Variants in TMEM178B observed in about 807,000 individuals in gnomAD.
TMEM178B encodes transmembrane protein 178B.
A neutral mutation model predicts 31.0 loss-of-function variants in TMEM178B; 5 were observed. The observed-to-expected ratio is 0.16, with a 90% CI of 0.08 to 0.34. The LOEUF (loss-of-function observed/expected upper bound fraction) is 0.34, where lower values mean the gene tolerates loss of function less well. Among genes scored for constraint, TMEM178B ranks in the 10% least tolerant of loss-of-function variants. TMEM178B has a pLI of 1.00. For synonymous variants in TMEM178B, 164 were observed against 164.0 expected (o/e 1.00, Z 0.00); for missense variants, 275 against 400.3 (o/e 0.69, Z 2.67).
At chr7:141,114,644 G>A (rs1357988926) in intron 1 of TMEM178B, among the ~76,000 whole-genome samples, 1 of 152,220 alleles carries the variant, frequency 6.6e-6, no homozygotes, top group South Asian at 2.1e-4. Context: ...TCTCCATGGG[G>A]CTGAGCTCAT....
intron 3 of TMEM178B, among the ~76,000 whole-genome samples, chr7:141,447,988 T>C (rs1350417207): frequency 6.6e-6 from 1 of 151,804 alleles, no homozygotes; most frequent in Non-Finnish European, 1.5e-5. Flanking sequence ...CTCCATAGAC[T>C]TTTGCTGCAG....
chr7:141,403,488 C>G (rs2116623206), intron 2 of TMEM178B, among the ~76,000 whole-genome samples: 1 of 152,296 alleles, frequency 6.6e-6, no homozygotes, highest in South Asian at 2.1e-4. Flanking sequence ...AGGGAGAGAG[C>G]CTGGTTATTA....
Position 141,259,278 on chromosome 7 carries a change from C to A in TMEM178B, c.496+46574C>A, listed in dbSNP as rs572837522. 2.6e-5 allele frequency among the ~76,000 whole-genome samples: 4 copies of A among 152,232 alleles called. No individual in the cohort carries two copies. In the East Asian group the frequency reaches 7.7e-4, roughly 29 times the overall value. ...TTTTATTTGTTGTTATATCTTTTAACCCCAGAATCTCTGTTTAAAAATATT... is the reference window on the plus strand; with the variant it reads ...TTTTATTTGTTGTTATATCTTTTAAACCCAGAATCTCTGTTTAAAAATATT... On this transcript the variant is annotated intron_variant, in intron 2 of 3. Coordinates refer to ENST00000565468, the MANE Select transcript of TMEM178B (RefSeq NM_001195278.2).
At chr7:141,235,140 C>T (rs1797508282) in intron 2 of TMEM178B, among the ~76,000 whole-genome samples, 1 of 152,184 alleles carries the variant, frequency 6.6e-6, no homozygotes, top group South Asian at 2.1e-4. Flanking sequence ...CTTCCGTCGA[C>T]ACATCTTCAT....
rs559401121 is a variant in TMEM178B at position 141,216,748 on chromosome 7, G to A, written c.496+4044G>A. ...GGGATCCATGTCCTTAGTCCACCCA[G>A]GCCTGGTGCAGCCCATCTGCCTTCC... On this transcript the variant is annotated intron_variant, in intron 2 of 3. Coordinates refer to ENST00000565468, the MANE Select transcript of TMEM178B (RefSeq NM_001195278.2). 3.9e-5 allele frequency among the ~76,000 whole-genome samples: 6 copies of A among 152,252 alleles called. No individual in the cohort carries two copies. In the South Asian group the frequency reaches 1.0e-3, roughly 26 times the overall value.
intron 1 of TMEM178B, among the ~76,000 whole-genome samples, chr7:141,111,899 A>G (rs1460711550): frequency 6.6e-6 from 1 of 152,224 alleles, no homozygotes; most frequent in Non-Finnish European, 1.5e-5. Context: ...CATTCTGATT[A>G]TACCCCTCAA....
At chr7:141,356,161 A>G (rs566314841) in intron 2 of TMEM178B, among the ~76,000 whole-genome samples, 10 of 152,310 alleles carry the variant, frequency 6.6e-5, no homozygotes, top group Non-Finnish European at 1.2e-4. Context: ...GCTATTGTGA[A>G]TAGTGCTGTG....
At chr7:141,255,590 A>T (rs914021341) in intron 2 of TMEM178B, among the ~76,000 whole-genome samples, 1 of 152,148 alleles carries the variant, frequency 6.6e-6, no homozygotes, top group African/African-American at 2.4e-5. Context: ...CAATCTCAAA[A>T]TAGAGTTATA....
chr7:141,092,054 C>T (rs1193130571), intron 1 of TMEM178B, among the ~76,000 whole-genome samples: 1 of 152,182 alleles, frequency 6.6e-6, no homozygotes, highest in Non-Finnish European at 1.5e-5. Flanking sequence ...GCTAAAGATA[C>T]ATTCCAGGAG....
intron 2 of TMEM178B, 147 bp from the exon 3 acceptor site, chr7:141,437,461 G>T: frequency 9.4e-7 from 1 of 1,065,652 alleles, no homozygotes; most frequent in Non-Finnish European, 1.3e-6. Flanking sequence ...CCTCTGCAAA[G>T]ATTGTGTGCT....
intron 2 of TMEM178B, among the ~76,000 whole-genome samples, chr7:141,298,177 A>G (rs962611137): frequency 6.6e-6 from 1 of 152,078 alleles, no homozygotes; most frequent in African/African-American, 2.4e-5. Context: ...GTCTGTTCAT[A>G]TTCTTTGCCC....
chr7:141,126,286 G>C (rs1381795298), intron 1 of TMEM178B, among the ~76,000 whole-genome samples: 1 of 152,226 alleles, frequency 6.6e-6, no homozygotes, highest in Non-Finnish European at 1.5e-5. Flanking sequence ...TGCTGGGATA[G>C]AGGGTGGTGG....
At chr7:141,289,814 C>A (rs908948779) in intron 2 of TMEM178B, among the ~76,000 whole-genome samples, 2 of 151,832 alleles carry the variant, frequency 1.3e-5, no homozygotes. Flanking sequence ...GCAGCCTGAC[C>A]CCAGAGAACT....
Position 141,479,630 on chromosome 7 carries a change from T to C in TMEM178B, c.*8844T>C, listed in dbSNP as rs1802438673. ...AACAAGGTTTGATTGATTTAAAATA[T>C]AACATTCTGAGCCCTGTGTTACTGA... On this transcript the variant is annotated 3_prime_UTR_variant, in exon 4 of 4. Transcript: ENST00000565468. 1 of 152,254 alleles carries C rather than the reference T, an allele frequency of 6.6e-6. No homozygotes were observed. The highest frequency in any genetic ancestry group is 6.5e-5 in the Admixed American group (1 of 15,290). 9.4% of individuals were successfully genotyped at this position (152,254 alleles called of 1,614,324 possible).
intron 2 of TMEM178B, among the ~76,000 whole-genome samples, chr7:141,433,515 T>C (rs546352943): frequency 2.0e-4 from 30 of 152,344 alleles, no homozygotes; most frequent in Admixed American, 1.0e-3. Context: ...AAGACTTCCG[T>C]CTTTCTAAGA....
chr7:141,148,747 C>T (rs960659638), intron 1 of TMEM178B, among the ~76,000 whole-genome samples: 23 of 152,186 alleles, frequency 1.5e-4, no homozygotes, highest in African/African-American at 4.1e-4. Flanking sequence ...CTGAGGGTGA[C>T]GGGCAATCAA....
chr7:141,279,234 TAGAA>T (rs1309885418), intron 2 of TMEM178B, among the ~76,000 whole-genome samples: 1 of 152,114 alleles, frequency 6.6e-6, no homozygotes, highest in Non-Finnish European at 1.5e-5. Flanking sequence ...TGAAAAAAAG[TAGAA>T]AGAGGAGACA....
rs114136376 is a variant in TMEM178B at position 141,129,415 on chromosome 7, A to T, written c.382+54723A>T. ...ATAAGCTACATACAATAAAGTGCTCAGCTCTGTAGTGAACAGCTCAATTAA... is the reference window on the plus strand; with the variant it reads ...ATAAGCTACATACAATAAAGTGCTCTGCTCTGTAGTGAACAGCTCAATTAA... On this transcript the variant is annotated intron_variant, in intron 1 of 3. Coordinates refer to ENST00000565468, the MANE Select transcript of TMEM178B (RefSeq NM_001195278.2). 3.5e-3 allele frequency among the ~76,000 whole-genome samples: 528 copies of T among 152,310 alleles called. 3 individuals carry two copies. Among genetic ancestry groups the T allele is most frequent in the African/African-American group, 0.012 (503 of 41,564 alleles).
At chr7:141,502,386 C>G in the TMEM178B span, among the ~76,000 whole-genome samples, 1 of 151,930 alleles carries the variant, frequency 6.6e-6, no homozygotes, top group Non-Finnish European at 1.5e-5. Flanking sequence ...GAAGAGAATC[C>G]CCCAGGCATC....
Sources: allele counts gnomAD v4.1 joint callset (sites outside exome capture counted in the v4.1 genomes callset), GRCh38; gene constraint gnomAD v4.1.1; transcripts MANE v1.5; gene names NCBI Gene and HGNC (gene_info 2026-07-23, HGNC 2026-07-21).